IQSEC1: variants seen among roughly 807,000 people sequenced by gnomAD.
The protein encoded by IQSEC1 is IQ motif and Sec7 domain ArfGEF 1.
Under a neutral mutation model 91.0 loss-of-function variants are expected in IQSEC1, and 31 were observed. That is an observed-to-expected ratio of 0.34 (90% confidence interval 0.26 to 0.46). IQSEC1 has a LOEUF of 0.46. IQSEC1 is among the 20% of genes least tolerant of loss of function. IQSEC1 has a pLI of 1.00. For synonymous variants in IQSEC1, 699 were observed against 662.6 expected, an observed-to-expected ratio of 1.05 and a Z score of -0.84; for missense variants, 1,388 against 1,575.6, an observed-to-expected ratio of 0.88 and a Z score of 2.02.
Position 12,962,415 on chromosome 3 carries a change from G to A in IQSEC1, c.24-20550C>T, listed in dbSNP as rs144539403. ...CATGTTGGCAGACAGACTCTGATCC[G>A]GTCTGGGCAGCAGGGGATTTTGGGA... On this transcript the variant is annotated intron_variant, in intron 1 of 13. Transcript: ENST00000613206. 2.1e-3 allele frequency among the ~76,000 whole-genome samples: 318 copies of A among 152,368 alleles called. 1 individual carries two copies. The highest frequency in any genetic ancestry group is 7.1e-3 in the African/African-American group (296 of 41,588).
chr3:12,944,666 C>T (rs186663781), intron 1 of IQSEC1, among the ~76,000 whole-genome samples: 6 of 152,346 alleles, frequency 3.9e-5, no homozygotes, highest in African/African-American at 1.4e-4. Context: ...CAGGGAACAA[C>T]GGCTGGTCCT....
intron 1 of IQSEC1, among the ~76,000 whole-genome samples, chr3:13,061,841 C>T (rs1010978455): frequency 6.6e-6 from 1 of 152,248 alleles, no homozygotes; most frequent in Non-Finnish European, 1.5e-5. Context: ...AATTCCCAGC[C>T]CAGTGGTTCG....
chr3:13,118,557 C>A (rs1196801652), intron 2 of IQSEC1, among the ~76,000 whole-genome samples: 1 of 152,136 alleles, frequency 6.6e-6, no homozygotes, highest in East Asian at 1.9e-4. Flanking sequence ...CAGCCAGTCA[C>A]AAAAGAACAA....
intron 1 of IQSEC1, among the ~76,000 whole-genome samples, chr3:13,241,145 C>T (rs1177789485): frequency 6.6e-5 from 10 of 152,130 alleles, no homozygotes; most frequent in African/African-American, 2.4e-5. Context: ...TGAGAAGTCC[C>T]GCAGTAAAGA....
rs529768202 is a variant in IQSEC1, at chr3:13,176,407, A to G, written c.273-12274T>C. 1.4e-4 allele frequency among the ~76,000 whole-genome samples: 21 copies of G among 152,280 alleles called. No homozygotes were observed. The South Asian group carries it at 3.3e-3, about 24-fold the overall frequency. On this transcript the variant is annotated intron_variant, in intron 1 of 15. Transcript: ENST00000648114. ...TCTTTGACTCTCCAGACCCCATGAG[A>G]GACACCTTCTTCCACCCTTACCCCT... is the stretch of plus-strand genomic sequence containing the variant.
At chr3:13,263,431 G>T (rs755032504) in intron 1 of IQSEC1, among the ~76,000 whole-genome samples, 18,713 of 128,804 alleles carry the variant, frequency 0.15, 1,568 homozygotes, top group East Asian at 0.2. Context: ...TTTTTTTGGG[G>T]GGGGGGGGAA....
chr3:13,118,859 G>A (rs142231207), intron 2 of IQSEC1, among the ~76,000 whole-genome samples: 4 of 152,128 alleles, frequency 2.6e-5, no homozygotes, highest in Non-Finnish European at 5.9e-5. Flanking sequence ...TGGGTCACCA[G>A]GTCAAGAGAT....
rs546636685 is a variant in IQSEC1 at position 12,943,747 on chromosome 3, G to A, written c.24-1882C>T. On this transcript the variant is annotated intron_variant, in intron 1 of 13. Coordinates refer to ENST00000613206, the MANE Select transcript of IQSEC1 (RefSeq NM_001134382.3). ...GCCCAGTGCAGAATGTGACGTCTCC[G>A]GCTCCCGTGAAGCCTGGAGTGGGGG... Among the ~76,000 whole-genome samples the A allele has an allele frequency of 5.6e-4, 86 of 152,358 alleles. No individual in the cohort carries two copies. The Middle Eastern group carries it at 0.01, about 18-fold the overall frequency.
chr3:13,212,546 G>A lies in IQSEC1; in HGVS notation c.273-48413C>T, dbSNP rs190458755. On this transcript the variant is annotated intron_variant, in intron 1 of 15. Transcript: ENST00000648114. ...GTAGAGGCCCTGGAGTGGAATTGCC[G>A]GGTCACAGGGTAACACATGTCTAAC... Among the ~76,000 whole-genome samples, 87 of 152,264 alleles carry A rather than the reference G, an allele frequency of 5.7e-4. 3 individuals carry two copies. Among genetic ancestry groups the A allele is most frequent in the African/African-American group, 1.4e-3 (58 of 41,530 alleles).
At chr3:13,141,721 G>A (rs1345082149) in intron 2 of IQSEC1, among the ~76,000 whole-genome samples, 1 of 151,328 alleles carries the variant, frequency 6.6e-6, no homozygotes, top group Non-Finnish European at 1.5e-5. Context: ...CATATCAGGG[G>A]TCTGTGTTCT....
At chr3:13,251,685 A>C (rs1695196182) in intron 1 of IQSEC1, among the ~76,000 whole-genome samples, 1 of 152,220 alleles carries the variant, frequency 6.6e-6, no homozygotes, top group South Asian at 2.1e-4. Context: ...TGCAGAGGTC[A>C]CTGCCCGCTA....
intron 1 of IQSEC1, among the ~76,000 whole-genome samples, chr3:13,190,170 C>T (rs1693997850): frequency 6.6e-6 from 1 of 152,228 alleles, no homozygotes. Context: ...AGAACCCTCC[C>T]CCCAACCCCA....
chr3:13,072,230 C>G (rs1378747517), intron 1 of IQSEC1, among the ~76,000 whole-genome samples: 1 of 152,240 alleles, frequency 6.6e-6, no homozygotes, highest in African/African-American at 2.4e-5. Flanking sequence ...GGCCTCAACC[C>G]CCGCAGCCGA....
At chr3:13,019,088 C>T (rs1018618361) in intron 1 of IQSEC1, among the ~76,000 whole-genome samples, 10 of 152,218 alleles carry the variant, frequency 6.6e-5, no homozygotes, top group South Asian at 2.1e-4. Flanking sequence ...ACTCTACAGG[C>T]GAGGAAACAA....
At chr3:12,902,691 A>AAAAAAAAAAAAC (rs1559598776) in intron 13 of IQSEC1, 82 bp downstream of exon 13, 1 of 720,274 alleles carries the variant, frequency 1.4e-6, no homozygotes, top group African/African-American at 1.9e-5. Flanking sequence ...AAAAAAAAAA[A>AAAAAAAAAAAAC]AAACCAGGAC....
intron 1 of IQSEC1, among the ~76,000 whole-genome samples, chr3:13,056,349 G>A (rs1401555526): frequency 6.6e-6 from 1 of 151,558 alleles, no homozygotes; most frequent in East Asian, 2.0e-4. Flanking sequence ...CCCATCTACA[G>A]GGCAAATACA....
At position 13,220,541 on chromosome 3, in the gene IQSEC1, G is replaced by T. The variant is rs756469732; in HGVS notation, c.273-56408C>A. Among the ~76,000 whole-genome samples, 35 of 152,246 alleles carry T rather than the reference G, an allele frequency of 2.3e-4. 1 individual carries two copies. The highest frequency in any genetic ancestry group is 4.4e-4 in the Non-Finnish European group (30 of 68,036). On this transcript the variant is annotated intron_variant, in intron 1 of 15. Transcript: ENST00000648114. ...GGCAAGGCTTCTGAGTCCCAGGGAA[G>T]AGGACTCCCTGCTAAATTTTCATTG...
At position 13,232,566 on chromosome 3, in the gene IQSEC1, G is replaced by A. The variant is rs554821831; in HGVS notation, c.272+50145C>T. Among the ~76,000 whole-genome samples, 22 of 152,336 alleles carry A rather than the reference G, an allele frequency of 1.4e-4. No homozygotes were observed. The East Asian group carries it at 2.3e-3, about 16-fold the overall frequency. ...GCAGAGAGAGGACCCAGCCTGGCCC[G>A]GCTGCAGGTCTGGGGAGAGAGGGCA... On this transcript the variant is annotated intron_variant, in intron 1 of 15. Transcript: ENST00000648114.
chr3:12,966,674 C>G (rs1385284445), intron 1 of IQSEC1, among the ~76,000 whole-genome samples: 1 of 152,154 alleles, frequency 6.6e-6, no homozygotes, highest in African/African-American at 2.4e-5. Flanking sequence ...CAGGTGCACA[C>G]GCATCACCAC....
Sources: allele counts gnomAD v4.1 joint callset (sites outside exome capture counted in the v4.1 genomes callset), GRCh38; gene constraint gnomAD v4.1.1; transcripts MANE v1.5; gene names NCBI Gene and HGNC (gene_info 2026-07-23, HGNC 2026-07-21).